The following RBFOX1 variants were observed in gnomAD, a reference collection of about 807,000 sequenced individuals.
RBFOX1 encodes RNA binding fox-1 homolog 1, also known as RNA binding protein fox-1 homolog 1.
RBFOX1 carries 8 observed loss-of-function variants against 57.7 expected under a neutral mutation model. The ratio of observed to expected loss-of-function variants is 0.14; its 90% confidence interval spans 0.08 to 0.25. RBFOX1 has a LOEUF of 0.25. Among genes scored for constraint, RBFOX1 ranks in the 10% least tolerant of loss-of-function variants. The probability of loss-of-function intolerance (pLI) is 1.00; values close to 1 mark genes in which losing one functional copy is unlikely to be tolerated. For synonymous variants in RBFOX1, 326 were observed against 222.4 expected (o/e 1.47, Z -4.15); for missense variants, 611 against 548.5 (o/e 1.11, Z -1.14).
At chr16:6,689,055 G>T (rs1435482690) in intron 3 of RBFOX1, among the ~76,000 whole-genome samples, 1 of 152,178 alleles carries the variant, frequency 6.6e-6, no homozygotes, top group Admixed American at 6.6e-5. Flanking sequence ...CATTTGGGTT[G>T]GTTGCAAGTC....
At chr16:5,456,674 C>T (rs1043306305) in intron 1 of RBFOX1, among the ~76,000 whole-genome samples, 2 of 152,176 alleles carry the variant, frequency 1.3e-5, no homozygotes, top group African/African-American at 4.8e-5. Flanking sequence ...ATTTTCTTCC[C>T]ATTTCCTTGG....
intron 2 of RBFOX1, among the ~76,000 whole-genome samples, chr16:5,577,378 C>G (rs1360387746): frequency 6.6e-6 from 1 of 152,094 alleles, no homozygotes; most frequent in Non-Finnish European, 1.5e-5. Context: ...GGTCTCACCT[C>G]CTCACCTCAA....
intron 5 of RBFOX1, among the ~76,000 whole-genome samples, chr16:7,534,797 A>C (rs2081086544): frequency 6.6e-6 from 1 of 151,904 alleles, no homozygotes; most frequent in Non-Finnish European, 1.5e-5. Flanking sequence ...GGGGCCCTTA[A>C]TTCTAACACA....
intron 3 of RBFOX1, among the ~76,000 whole-genome samples, chr16:6,763,118 C>G (rs74658875): frequency 6.6e-6 from 1 of 152,162 alleles, no homozygotes; most frequent in Admixed American, 6.5e-5. Context: ...ACTGTCTCCT[C>G]CACCTCTAAA....
chr16:6,042,975 G>C (rs1273642388), intron 1 of RBFOX1, among the ~76,000 whole-genome samples: 1 of 151,888 alleles, frequency 6.6e-6, no homozygotes, highest in East Asian at 1.9e-4. Context: ...TGCTTAGCCA[G>C]GCTTGGTGGC....
chr16:5,799,396 A>C (rs1055440174), intron 3 of RBFOX1, among the ~76,000 whole-genome samples: 3 of 152,218 alleles, frequency 2.0e-5, no homozygotes, highest in Non-Finnish European at 4.4e-5. Context: ...TCTGTGGAGA[A>C]GATGACTGAA....
intron 2 of RBFOX1, among the ~76,000 whole-genome samples, chr16:6,537,107 A>G (rs1223150928): frequency 6.6e-6 from 1 of 152,026 alleles, no homozygotes; most frequent in Non-Finnish European, 1.5e-5. Flanking sequence ...CCAGCGTTCC[A>G]TACCAGTGTT....
intron 2 of RBFOX1, among the ~76,000 whole-genome samples, chr16:6,359,686 C>T (rs1247248488): frequency 6.6e-6 from 1 of 152,154 alleles, no homozygotes; most frequent in Non-Finnish European, 1.5e-5. Context: ...GTAAGTCACT[C>T]TACCAACCTT....
At chr16:6,129,006 C>G (rs1016327537) in intron 1 of RBFOX1, among the ~76,000 whole-genome samples, 3 of 152,340 alleles carry the variant, frequency 2.0e-5, no homozygotes, top group African/African-American at 4.8e-5. Context: ...AAATGACACT[C>G]TAGTCATTTA....
At chr16:7,423,857 G>A (rs541518741) in intron 4 of RBFOX1, among the ~76,000 whole-genome samples, 6 of 152,098 alleles carry the variant, frequency 3.9e-5, no homozygotes, top group African/African-American at 9.7e-5. Context: ...TGGAGGTGGC[G>A]CCATGCATTA....
rs560812369 is a variant in RBFOX1, at chr16:7,246,032, C to A, written c.27+193934C>A. Among the ~76,000 whole-genome samples, 3 of 152,256 alleles carry A rather than the reference C, an allele frequency of 2.0e-5. No homozygotes were observed. The East Asian group carries it at 5.8e-4, about 29-fold the overall frequency. The stretch of plus-strand genomic sequence containing the variant: ...CTTCAAGTGTGGCACAAATTATCAC[C>A]CACCTTAGATGAATGATTAATTCCA... On this transcript the variant is annotated intron_variant, in intron 4 of 15. Transcript: ENST00000550418.
intron 3 of RBFOX1, among the ~76,000 whole-genome samples, chr16:6,688,736 ACAT>A (rs951908573): frequency 6.6e-6 from 1 of 152,092 alleles, no homozygotes; most frequent in African/African-American, 2.4e-5. Flanking sequence ...TTTGCTGCAC[ACAT>A]CAACCCATCA....
intron 1 of RBFOX1, among the ~76,000 whole-genome samples, chr16:5,400,149 G>T (rs1307381682): frequency 2.6e-5 from 4 of 151,520 alleles, no homozygotes; most frequent in East Asian, 1.9e-4. Context: ...ACCCAGGCTG[G>T]AGTGCAGTCT....
rs186829303 is a variant in RBFOX1 at position 7,619,479 on chromosome 16, A to C, written c.677-11124A>C. Reference sequence around the variant, plus strand: ...GTGTATTTTCTACTCTCACCAAAAAAGTCAGGTTAAAATTTTAAGCCTAAT... The same window carrying C: ...GTGTATTTTCTACTCTCACCAAAAACGTCAGGTTAAAATTTTAAGCCTAAT... On this transcript the variant is annotated intron_variant, in intron 10 of 15. Transcript: ENST00000550418. 6.9e-5 allele frequency among the ~76,000 whole-genome samples: 10 copies of C among 144,996 alleles called. No individual in the cohort carries two copies. In the East Asian group the frequency reaches 2.1e-3, roughly 30 times the overall value.
chr16:6,229,224 T>C (rs1308514624), intron 1 of RBFOX1, among the ~76,000 whole-genome samples: 1 of 152,126 alleles, frequency 6.6e-6, no homozygotes, highest in Non-Finnish European at 1.5e-5. Context: ...AGGATTGCTT[T>C]AGCTGTTAAA....
chr16:5,376,961 CCAAGTCTCTTCTG>C (rs1240547557), intron 1 of RBFOX1, among the ~76,000 whole-genome samples: 2 of 151,552 alleles, frequency 1.3e-5, no homozygotes, highest in Admixed American at 1.3e-4. Context: ...CCTCCCTTCT[CCAAGTCTCTTCTG>C]CACTCAGGGG....
intron 3 of RBFOX1, among the ~76,000 whole-genome samples, chr16:5,758,911 C>T (rs75409543): frequency 0.033 from 5,063 of 152,198 alleles, 270 homozygotes; most frequent in African/African-American, 0.11. Context: ...ACTCCACTTA[C>T]CTCTTGTGTA....
At chr16:6,071,065 G>A (rs746474050) in intron 1 of RBFOX1, among the ~76,000 whole-genome samples, 6 of 152,166 alleles carry the variant, frequency 3.9e-5, no homozygotes, top group African/African-American at 1.4e-4. Context: ...GTTCATGCCT[G>A]TAACCCCAGC....
chr16:5,951,048 C>G (rs114221671), intron 4 of RBFOX1, among the ~76,000 whole-genome samples: 2,978 of 152,252 alleles, frequency 0.02, 62 homozygotes, highest in Admixed American at 0.038. Context: ...CCAGGTACCT[C>G]AGAATCACCT....
Sources: gnomAD v4.1 joint callset for allele counts (sites outside exome capture counted in the v4.1 genomes callset) on GRCh38, gnomAD v4.1.1 for gene constraint, MANE v1.5 for transcripts, NCBI Gene and HGNC (gene_info 2026-07-23, HGNC 2026-07-21) for gene names.